IYD: variants seen among roughly 807,000 people sequenced by gnomAD.
IYD encodes the protein iodotyrosine deiodinase, also known as iodotyrosine deiodinase 1.
IYD carries 25 observed loss-of-function variants against 28.4 expected under a neutral mutation model. The ratio of observed to expected loss-of-function variants is 0.88; its 90% CI spans 0.64 to 1.23. The LOEUF is 1.23. IYD is among the 50% of genes most tolerant of loss of function. The pLI is 0.00. For synonymous variants in IYD, 140 were observed against 130.8 expected (o/e 1.07, Z -0.48); for missense variants, 352 against 357.9 (o/e 0.98, Z 0.13).
Position 150,398,332 on chromosome 6 carries a change from C to T in IYD, c.*95C>T. 7 of 1,265,736 alleles carry T rather than the reference C, an allele frequency of 5.5e-6. No individual in the cohort carries two copies. The highest frequency in any genetic ancestry group is 8.0e-6 in the Non-Finnish European group (7 of 874,874). The allele number at this position is 1,265,736 out of a possible 1,614,324, so 78.4% of individuals were successfully genotyped here. ...CTTGGGTCTCTTGGCTGCTCTTTCTCCAGGTGTCAGGTCCCCTCATTGCTC... is the reference window on the plus strand; with the variant it reads ...CTTGGGTCTCTTGGCTGCTCTTTCTTCAGGTGTCAGGTCCCCTCATTGCTC... On this transcript the variant is annotated 3_prime_UTR_variant, in exon 5 of 5. Transcript: ENST00000344419.
At chr6:150,388,815 C>T (rs188354965) in intron 1 of IYD, among the ~76,000 whole-genome samples, 2 of 151,258 alleles carry the variant, frequency 1.3e-5, no homozygotes, top group Non-Finnish European at 2.9e-5. Context: ...GATTCTCATG[C>T]CTCAGCCTCC....
In IYD at chr6:150,369,215, G is replaced by T. The variant is rs1400640468; in HGVS notation, c.178+6G>T. On this transcript the variant is annotated splice_donor_region_variant and intron_variant, in intron 1 of 4. Transcript: ENST00000344419. ...CCTGCACCAAGCAGAAGAAGGTAAA[G>T]ACACCAGCTATGCTGCTTAGCTTCG... is the stretch of plus-strand genomic sequence containing the variant. 1 of 1,611,274 alleles carries T rather than the reference G, an allele frequency of 6.2e-7. No individual in the cohort carries two copies. Among genetic ancestry groups the T allele is most frequent in the African/African-American group, 1.3e-5 (1 of 74,834 alleles).
At position 150,380,641 on chromosome 6, in the gene IYD, C is replaced by A. The variant is rs1777613413; in HGVS notation, c.179-8711C>A. Among the ~76,000 whole-genome samples the A allele has an allele frequency of 2.6e-5, 4 of 152,186 alleles. No individual in the cohort carries two copies. The South Asian group carries it at 8.3e-4, about 32-fold the overall frequency. ...TTGACAATCCCCACAGAACCTGTGT[C>A]TATGGAGCCACCTCTGGCTCTGAGG... On this transcript the variant is annotated intron_variant, in intron 1 of 4. Coordinates refer to ENST00000344419, the MANE Select transcript of IYD (RefSeq NM_203395.3).
At chr6:150,378,098 T>TGAATG (rs1342779424) in intron 1 of IYD, among the ~76,000 whole-genome samples, 1 of 152,218 alleles carries the variant, frequency 6.6e-6, no homozygotes, top group Non-Finnish European at 1.5e-5. Flanking sequence ...ATTCTCTACC[T>TGAATG]GAATTCCACC....
At chr6:150,393,553 T>C (rs2115055726) in intron 3 of IYD, among the ~76,000 whole-genome samples, 1 of 152,330 alleles carries the variant, frequency 6.6e-6, no homozygotes, top group Non-Finnish European at 1.5e-5. Context: ...TCCCAATATA[T>C]GGGATTATAT....
Position 150,401,989 on chromosome 6 carries a change from G to A in IYD, c.*3752G>A, listed in dbSNP as rs1340385899. The A allele has an allele frequency of 1.3e-5, 2 of 152,278 alleles. No homozygotes were observed. Among genetic ancestry groups the A allele is most frequent in the Non-Finnish European group, 2.9e-5 (2 of 68,078 alleles). The allele number at this position is 152,278 out of a possible 1,614,324, so 9.4% of individuals were successfully genotyped here. A position where few individuals can be genotyped will look rare whatever the true frequency, so the allele number is the denominator to read the frequency against. ...CCGCACCCTCAGGGTGTGTGATTGT[G>A]TGATTCAGTATTGCTGGGTGGTGCC... is the stretch of plus-strand genomic sequence containing the variant. On this transcript the variant is annotated 3_prime_UTR_variant, in exon 5 of 5. Transcript: ENST00000344419.
chr6:150,389,321 A>C, intron 1 of IYD, 31 bp from the exon 2 acceptor site: 2 of 1,567,382 alleles, frequency 1.3e-6, no homozygotes, highest in Non-Finnish European at 1.8e-6. Context: ...GGGATCATTT[A>C]GTTTGTTACC....
chr6:150,370,240 TGA>T (rs60812093), intron 1 of IYD, among the ~76,000 whole-genome samples: 1 of 146,668 alleles, frequency 6.8e-6, no homozygotes, highest in Non-Finnish European at 1.5e-5. Context: ...TGTGTGTGCA[TGA>T]GAGTGGATGT....
chr6:150,393,200 G>C (rs897275143), intron 3 of IYD, among the ~76,000 whole-genome samples: 1 of 152,202 alleles, frequency 6.6e-6, no homozygotes, highest in African/African-American at 2.4e-5. Context: ...GGGTACACAA[G>C]AGTACATTTT....
In IYD at chr6:150,369,022, A is replaced by C; in HGVS notation, c.-10A>C. 3.1e-6 allele frequency: 5 copies of C among 1,613,250 alleles called. No individual in the cohort carries two copies. The highest frequency in any genetic ancestry group is 4.2e-6 in the Non-Finnish European group (5 of 1,179,816). ...GAAGTGTGCACGCCTGTGACGTCAG[A>C]CTCCAGACCATGTATTTCCTGACTC... On this transcript the variant is annotated 5_prime_UTR_variant, in exon 1 of 5. Transcript: ENST00000344419.
At chr6:150,387,456 C>G (rs1016735718) in intron 1 of IYD, among the ~76,000 whole-genome samples, 35 of 149,848 alleles carry the variant, frequency 2.3e-4, no homozygotes, top group African/African-American at 8.6e-4. Flanking sequence ...AAAGAATTTA[C>G]CAGCCCTCTT....
rs1372342147 is a variant in IYD at position 150,372,859 on chromosome 6, G to T, written c.178+3650G>T. Among the ~76,000 whole-genome samples the T allele has an allele frequency of 4.6e-5, 7 of 152,226 alleles. No individual in the cohort carries two copies. In the East Asian group the frequency reaches 1.3e-3, roughly 29 times the overall value. On this transcript the variant is annotated intron_variant, in intron 1 of 4. Coordinates refer to ENST00000344419, the MANE Select transcript of IYD (RefSeq NM_203395.3). ...GCAAACCAGCCAAGGTTGGTGTCCT[G>T]TTAATACCTTGTTTGTCTACAGTTA...
At position 150,389,555 on chromosome 6, in the gene IYD, C is replaced by A. The variant is rs1455032019; in HGVS notation, c.370+12C>A. 3 of 1,610,030 alleles carry A rather than the reference C, an allele frequency of 1.9e-6. No individual in the cohort carries two copies. The highest frequency in any genetic ancestry group is 3.3e-4 in the Middle Eastern group (2 of 6,048). ...CATCAGAACGGCAGGTTTGTAATTG[C>A]AGATGGGGTCTTTGGAAATGTTAGT... On this transcript the variant is annotated intron_variant, in intron 2 of 4. Coordinates refer to ENST00000344419, the MANE Select transcript of IYD (RefSeq NM_203395.3).
At chr6:150,392,177 C>T (rs540448893) in intron 2 of IYD, 168 bp from the exon 3 acceptor site, 5 of 383,616 alleles carry the variant, frequency 1.3e-5, no homozygotes, top group Admixed American at 1.3e-4. Context: ...TATAGGCACA[C>T]ACCAGCACAC....
chr6:150,388,146 A>T (rs1175300247), intron 1 of IYD, among the ~76,000 whole-genome samples: 2 of 152,246 alleles, frequency 1.3e-5, no homozygotes, highest in African/African-American at 2.4e-5. Flanking sequence ...AGGCAGGACA[A>T]GTTTATTCCA....
rs1253405047 is a variant in IYD, at chr6:150,403,893, AAAGGAAGTTGTTAG to A, written c.*5657_*5670del. The A allele has an allele frequency of 6.6e-6, 1 of 152,242 alleles. No homozygotes were observed. Among genetic ancestry groups the A allele is most frequent in the Non-Finnish European group, 1.5e-5 (1 of 68,050 alleles). The allele number at this position is 152,242 out of a possible 1,614,324, so 9.4% of individuals were successfully genotyped here. On this transcript the variant is annotated 3_prime_UTR_variant, in exon 5 of 5. Coordinates refer to ENST00000344419, the MANE Select transcript of IYD (RefSeq NM_203395.3). ...TAAACGCAAAAGCCAATGAGATCATAAAGGAAGTTGTTAGCTAACCTAGGTGGAGTCGCCAACTT... is the reference window on the plus strand; with the variant it reads ...TAAACGCAAAAGCCAATGAGATCATACTAACCTAGGTGGAGTCGCCAACTT...
intron 1 of IYD, among the ~76,000 whole-genome samples, chr6:150,388,627 T>TTTTCTTTCTTTCTTTCTTTCTTTCTTTC (rs1178891144): frequency 7.7e-5 from 10 of 129,058 alleles, no homozygotes; most frequent in East Asian, 2.7e-4. Context: ...GTCTGGAGTT[T>TTTTCTTTCTTTCTTTCTTTCTTTCTTTC]TTGCTTTCTT....
At chr6:150,394,052 C>CA (rs760099575) in intron 3 of IYD, 47 bp from the exon 4 acceptor site, 3 of 1,595,602 alleles carry the variant, frequency 1.9e-6, no homozygotes, top group Admixed American at 1.7e-5. Context: ...TAAAAGAGAA[C>CA]AAAAAATATG....
chr6:150,394,370 G>C (rs1337458089), intron 4 of IYD, 115 bp downstream of exon 4: 2 of 1,117,988 alleles, frequency 1.8e-6, no homozygotes, highest in Admixed American at 1.8e-5. Flanking sequence ...TCCTAAGTGA[G>C]GTAACTCTGA....
Sources: allele counts gnomAD v4.1 joint callset (sites outside exome capture counted in the v4.1 genomes callset), GRCh38; gene constraint gnomAD v4.1.1; transcripts MANE v1.5; gene names NCBI Gene and HGNC (gene_info 2026-07-23, HGNC 2026-07-21).